The following GSE1 variants were observed in gnomAD, a reference collection of about 807,000 sequenced individuals.
The protein encoded by GSE1 is genetic suppressor element 1.
GSE1 carries 32 observed loss-of-function variants against 112.6 expected under a neutral mutation model. The observed-to-expected ratio is 0.28, with a 90% confidence interval of 0.21 to 0.38. The LOEUF is 0.38. Ranked by LOEUF, GSE1 falls within the 10% of genes least tolerant of loss-of-function variation. The pLI is 1.00. For missense variants in GSE1, 2,348 were observed against 1,699.2 expected, an observed-to-expected ratio of 1.38 and a Z score of -6.71; for synonymous variants, 1,115 against 735.6, an observed-to-expected ratio of 1.52 and a Z score of -8.35.
chr16:85,311,214 C>T lies in GSE1; in HGVS notation c.2284-46249C>T, dbSNP rs1203204189. 2.0e-5 allele frequency among the ~76,000 whole-genome samples: 3 copies of T among 152,174 alleles called. No individual in the cohort carries two copies. The highest frequency in any genetic ancestry group is 1.5e-5 in the Non-Finnish European group (1 of 68,024). On this transcript the variant is annotated intron_variant, in intron 1 of 2. Coordinates refer to the GSE1 transcript ENST00000637419. This position sits in a 1 kb window ranked among gnomAD's most constrained non-coding sequence, Gnocchi z 4.2. The stretch of plus-strand genomic sequence containing the variant: ...GGTGCCCCCAGCAGAAGAGCTGAGA[C>T]TTGAATCCCATGGCACTGATGTGGG...
intron 2 of GSE1, among the ~76,000 whole-genome samples, chr16:85,475,500 G>C (rs558473956): frequency 1.3e-5 from 2 of 152,380 alleles, no homozygotes; most frequent in South Asian, 4.1e-4. Flanking sequence ...ATGGTCTGCT[G>C]CCTGGATCCT....
At chr16:85,226,129 A>G (rs935349049) in intron 1 of GSE1, among the ~76,000 whole-genome samples, 1 of 151,978 alleles carries the variant, frequency 6.6e-6, no homozygotes, top group African/African-American at 2.4e-5. Flanking sequence ...CACCATACTC[A>G]CTTCCTTAGA....
intron 1 of GSE1, among the ~76,000 whole-genome samples, chr16:85,270,698 C>T (rs1908743640): frequency 6.7e-6 from 1 of 150,172 alleles, no homozygotes; most frequent in African/African-American, 2.4e-5. Flanking sequence ...AGGAAAAATC[C>T]ATTTAATAAT....
intron 2 of GSE1, among the ~76,000 whole-genome samples, chr16:85,530,976 C>G (rs1438306763): frequency 3.9e-5 from 6 of 152,266 alleles, no homozygotes; most frequent in African/African-American, 1.4e-4. Flanking sequence ...GTGTTGTCAC[C>G]TTGGGCTGAA....
intron 1 of GSE1, among the ~76,000 whole-genome samples, chr16:85,302,188 G>A (rs1475123647): frequency 1.3e-5 from 2 of 152,220 alleles, no homozygotes; most frequent in African/African-American, 4.8e-5. Flanking sequence ...ATAAAAGAGA[G>A]AGAGAGAGGA....
chr16:85,555,107 C>T, upstream of GSE1: 1 of 982,882 alleles, frequency 1.0e-6, no homozygotes, highest in South Asian at 4.7e-5. Context: ...CGGAAGGAGC[C>T]GCCGCCGCCG....
intron 1 of GSE1, among the ~76,000 whole-genome samples, chr16:85,287,394 A>T (rs1037038153): frequency 3.3e-5 from 5 of 152,074 alleles, no homozygotes; most frequent in African/African-American, 1.2e-4. Flanking sequence ...AAAGTGAAAC[A>T]GCCGTGCATG....
rs944365346 is a variant in GSE1, at chr16:85,315,925, T to TG, written c.2284-41535dup. The stretch of plus-strand genomic sequence containing the variant: ...ACGCCAGAGCACGGTGAAGCCCTAG[T>TG]GGGAGGGGGGGTGAAGGTGGGAGCA... On this transcript the variant is annotated intron_variant, in intron 1 of 2. Transcript: ENST00000637419. Among the ~76,000 whole-genome samples the TG allele has an allele frequency of 3.0e-3, 429 of 144,976 alleles. 1 individual carries two copies. Among genetic ancestry groups the TG allele is most frequent in the African/African-American group, 6.1e-3 (231 of 37,928 alleles).
At chr16:85,498,683 A>G (rs1314327991) in intron 2 of GSE1, among the ~76,000 whole-genome samples, 1 of 152,268 alleles carries the variant, frequency 6.6e-6, no homozygotes, top group East Asian at 1.9e-4. Context: ...TGCACACGAC[A>G]GCACACAGTG....
At chr16:85,541,953 G>C (rs557208133) in intron 2 of GSE1, among the ~76,000 whole-genome samples, 1 of 152,240 alleles carries the variant, frequency 6.6e-6, no homozygotes, top group Non-Finnish European at 1.5e-5. Context: ...GTTTGGAGAT[G>C]TGTGGTTTTC....
At chr16:85,385,153 G>T (rs1007994582) in intron 2 of GSE1, among the ~76,000 whole-genome samples, 4 of 152,266 alleles carry the variant, frequency 2.6e-5, no homozygotes, top group Non-Finnish European at 4.4e-5. Context: ...GCCACATGGG[G>T]CTTGGGATGG....
chr16:85,282,576 T>A (rs939820151), intron 1 of GSE1, among the ~76,000 whole-genome samples: 1 of 152,212 alleles, frequency 6.6e-6, no homozygotes, highest in African/African-American at 2.4e-5. Context: ...CATCCTGGAC[T>A]GTTTGGTGAC....
At chr16:85,242,719 G>A (rs892554682) in intron 1 of GSE1, among the ~76,000 whole-genome samples, 27 of 152,156 alleles carry the variant, frequency 1.8e-4, no homozygotes, top group African/African-American at 6.3e-4. Flanking sequence ...CTGCTCCTGG[G>A]GATTCTGATG....
At chr16:85,357,566 G>C (rs1032134005) in exon 2 of GSE1, 87 of 1,288,510 alleles carry the variant, frequency 6.8e-5, no homozygotes, top group Non-Finnish European at 8.2e-5. Flanking sequence ...AGAGGCCCCA[G>C]GATGGCCCAG....
chr16:85,191,185 G>T (rs2074812493), intron 1 of GSE1, among the ~76,000 whole-genome samples: 1 of 152,130 alleles, frequency 6.6e-6, no homozygotes, highest in Non-Finnish European at 1.5e-5. Context: ...GCTTGAACCT[G>T]GGAAGCAGAG....
chr16:85,207,098 C>T (rs2075131880), intron 1 of GSE1, among the ~76,000 whole-genome samples: 1 of 152,202 alleles, frequency 6.6e-6, no homozygotes, highest in Non-Finnish European at 1.5e-5. Context: ...AGGCTGGCGG[C>T]TTGGGGCTCT....
chr16:85,525,641 G>A (rs925011146), intron 2 of GSE1, among the ~76,000 whole-genome samples: 24 of 152,320 alleles, frequency 1.6e-4, no homozygotes, highest in African/African-American at 4.8e-4. Context: ...AGAGTTACCC[G>A]CCTTTAGGGG....
intron 2 of GSE1, among the ~76,000 whole-genome samples, chr16:85,550,224 T>C (rs976160691): frequency 6.6e-6 from 1 of 152,072 alleles, no homozygotes; most frequent in Non-Finnish European, 1.5e-5. Flanking sequence ...CCTTTGCCGA[T>C]GGTAATGAAC....
rs145522531 is a variant in GSE1 at position 85,656,394 on chromosome 16, CGAGCGT to C, written c.1051_1056del (p.Arg351_Glu352del). 0.042 allele frequency: 64,987 copies of C among 1,532,226 alleles called. 2,262 individuals are homozygous for C. The highest frequency in any genetic ancestry group is 0.2 in the African/African-American group (13,624 of 67,778). The allele number at this position is 1,532,226 out of a possible 1,614,324, so 94.9% of individuals were successfully genotyped here. ...GGGAGAGGGAGCGCGAGCGCGAGCG[CGAGCGT>C]GAGCGTGAGGCTGACCGCGAGCGGG... On this transcript the variant is annotated inframe_deletion, in exon 7 of 16. Coordinates refer to ENST00000253458, the MANE Select transcript of GSE1 (RefSeq NM_014615.5).
Sources: allele counts gnomAD v4.1 joint callset (sites outside exome capture counted in the v4.1 genomes callset), GRCh38; gene constraint gnomAD v4.1.1; non-coding constraint Gnocchi (gnomAD v3.1); transcripts MANE v1.5; gene names NCBI Gene and HGNC (gene_info 2026-07-23, HGNC 2026-07-21).